Variants in TMEM117 observed in about 807,000 individuals in gnomAD.
TMEM117 encodes transmembrane protein 117.
In TMEM117, 27 loss-of-function variants were observed where a neutral mutation model predicts 52.4. The observed-to-expected ratio is 0.51, with a 90% confidence interval of 0.38 to 0.71. The LOEUF is 0.71. Ranked by LOEUF, TMEM117 falls within the 30% of genes least tolerant of loss-of-function variation. The probability of loss-of-function intolerance (pLI) is 0.00; values close to 1 mark genes in which losing one functional copy is unlikely to be tolerated. For synonymous variants in TMEM117, 215 were observed against 206.3 expected (o/e 1.04, Z -0.36); for missense variants, 556 against 630.5 (o/e 0.88, Z 1.26).
chr12:43,832,768 A>G (rs1942990062), upstream of TMEM117, among the ~76,000 whole-genome samples: 1 of 152,208 alleles, frequency 6.6e-6, no homozygotes, highest in African/African-American at 2.4e-5. Context: ...CACTATGGCT[A>G]CTTGTGAGAT....
At chr12:43,852,996 A>G (rs1354523321) in intron 2 of TMEM117, among the ~76,000 whole-genome samples, 1 of 152,182 alleles carries the variant, frequency 6.6e-6, no homozygotes, top group Non-Finnish European at 1.5e-5. Context: ...CCACCTCAGA[A>G]TGAGTTGGTA....
At chr12:43,871,727 A>G (rs1424202587) in intron 2 of TMEM117, among the ~76,000 whole-genome samples, 3 of 152,240 alleles carry the variant, frequency 2.0e-5, no homozygotes, top group Non-Finnish European at 2.9e-5. Flanking sequence ...TAAGAGATGT[A>G]TGCTAATAAG....
At chr12:43,885,961 A>G (rs1943986252) in intron 2 of TMEM117, among the ~76,000 whole-genome samples, 1 of 152,230 alleles carries the variant, frequency 6.6e-6, no homozygotes. Context: ...ACAGATAATT[A>G]CAACTAATGA....
intron 3 of TMEM117, among the ~76,000 whole-genome samples, chr12:44,024,811 C>T (rs1946507045): frequency 1.3e-5 from 2 of 151,940 alleles, no homozygotes; most frequent in Non-Finnish European, 2.9e-5. Context: ...TGTATATATA[C>T]ACACATATAT....
At chr12:44,010,497 C>T (rs1253690593) in intron 3 of TMEM117, among the ~76,000 whole-genome samples, 2 of 152,130 alleles carry the variant, frequency 1.3e-5, no homozygotes, top group African/African-American at 4.8e-5. Context: ...CTCCCAGAGA[C>T]CTTACCCAGA....
At chr12:44,364,647 G>A (rs774637748) in intron 6 of TMEM117, among the ~76,000 whole-genome samples, 1 of 151,986 alleles carries the variant, frequency 6.6e-6, no homozygotes, top group African/African-American at 2.4e-5. Context: ...TAAGTGAAGG[G>A]CTTCTTGTAA....
At chr12:43,887,831 G>T (rs769616610) in intron 2 of TMEM117, among the ~76,000 whole-genome samples, 1 of 152,224 alleles carries the variant, frequency 6.6e-6, no homozygotes, top group Non-Finnish European at 1.5e-5. Flanking sequence ...TATGGACTGG[G>T]TGTGGAAGGA....
intron 2 of TMEM117, among the ~76,000 whole-genome samples, chr12:43,902,996 C>G (rs75335458): frequency 0.029 from 4,400 of 152,090 alleles, 91 homozygotes; most frequent in Middle Eastern, 0.082. Flanking sequence ...TTCTGGAAAA[C>G]TCATGAGGTA....
chr12:44,174,268 T>C (rs1592580122), intron 4 of TMEM117, among the ~76,000 whole-genome samples: 1 of 152,190 alleles, frequency 6.6e-6, no homozygotes, highest in East Asian at 1.9e-4. Flanking sequence ...TTGTTTTTTG[T>C]AAATAAAGTT....
At chr12:44,303,978 T>TC (rs1187913643) in intron 6 of TMEM117, among the ~76,000 whole-genome samples, 3 of 152,052 alleles carry the variant, frequency 2.0e-5, no homozygotes, top group African/African-American at 7.3e-5. Context: ...CCAGTGATCG[T>TC]CCCCCTATAG....
intron 2 of TMEM117, among the ~76,000 whole-genome samples, chr12:43,926,060 A>G (rs1944773830): frequency 6.6e-6 from 1 of 152,216 alleles, no homozygotes. Context: ...CTGTATGCTA[A>G]TTAAATATAT....
At chr12:43,894,416 G>T (rs1471899327) in intron 2 of TMEM117, among the ~76,000 whole-genome samples, 2 of 151,734 alleles carry the variant, frequency 1.3e-5, no homozygotes, top group Non-Finnish European at 2.9e-5. Context: ...TTTTAAGTTT[G>T]GGGGTACATA....
chr12:44,011,494 C>G (rs1375261538), intron 3 of TMEM117, among the ~76,000 whole-genome samples: 2 of 152,054 alleles, frequency 1.3e-5, no homozygotes, highest in African/African-American at 2.4e-5. Context: ...TTTGCCTGCT[C>G]CCATCCATGT....
In TMEM117 at chr12:44,026,930, ATAT is replaced by A. The variant is rs555263548; in HGVS notation, c.410+82595_410+82597del. Among the ~76,000 whole-genome samples, 27 of 151,818 alleles carry A rather than the reference ATAT, an allele frequency of 1.8e-4. No homozygotes were observed. In the South Asian group the frequency reaches 5.6e-3, roughly 31 times the overall value. On this transcript the variant is annotated intron_variant, in intron 3 of 7. Coordinates refer to ENST00000266534, the MANE Select transcript of TMEM117 (RefSeq NM_032256.3). ...AACATGGATGTGGTATTAATAATCT[ATAT>A]TATTATGTAGATTTTGATAGACATT...
chr12:44,026,309 A>AT (rs538343098), intron 3 of TMEM117, among the ~76,000 whole-genome samples: 1 of 152,094 alleles, frequency 6.6e-6, no homozygotes, highest in East Asian at 1.9e-4. Context: ...CTGCTGCCAC[A>AT]TTTTTTTCTG....
At chr12:44,027,584 A>T (rs1164480918) in intron 3 of TMEM117, among the ~76,000 whole-genome samples, 1 of 152,200 alleles carries the variant, frequency 6.6e-6, no homozygotes, top group Admixed American at 6.6e-5. Flanking sequence ...ATTGGATTCC[A>T]TGCTGCATTT....
At chr12:44,216,472 C>T (rs1949719999) in intron 5 of TMEM117, among the ~76,000 whole-genome samples, 2 of 152,132 alleles carry the variant, frequency 1.3e-5, no homozygotes, top group African/African-American at 4.8e-5. Flanking sequence ...CTGTTTGATA[C>T]TGTAGCCTAA....
chr12:44,280,225 A>G (rs1319662391), intron 5 of TMEM117, among the ~76,000 whole-genome samples: 1 of 152,154 alleles, frequency 6.6e-6, no homozygotes, highest in East Asian at 1.9e-4. Context: ...TAATCCCTGT[A>G]TAGATGTCCT....
intron 3 of TMEM117, among the ~76,000 whole-genome samples, chr12:44,124,783 G>T (rs1948294575): frequency 6.6e-6 from 1 of 152,190 alleles, no homozygotes; most frequent in African/African-American, 2.4e-5. Flanking sequence ...AGTTTTTTAT[G>T]TGCTGCTAGA....
Sources: allele counts gnomAD v4.1 joint callset (sites outside exome capture counted in the v4.1 genomes callset), GRCh38; gene constraint gnomAD v4.1.1; transcripts MANE v1.5; gene names NCBI Gene and HGNC (gene_info 2026-07-23, HGNC 2026-07-21).